The following RIMS2 variants were observed in gnomAD, a reference collection of about 807,000 sequenced individuals.
RIMS2 encodes regulating synaptic membrane exocytosis protein 2.
In RIMS2, 59 loss-of-function variants were observed where a neutral mutation model predicts 174.4. The ratio of observed to expected loss-of-function variants is 0.34; its 90% confidence interval spans 0.27 to 0.42. RIMS2 has a LOEUF of 0.42. Among genes scored for constraint, RIMS2 ranks in the 10% least tolerant of loss-of-function variants. The pLI, the probability that RIMS2 is intolerant of heterozygous loss-of-function variation, is 1.00. For synonymous variants in RIMS2, 606 were observed against 572.5 expected (o/e 1.06, Z -0.84); for missense variants, 1,620 against 1,666.3 (o/e 0.97, Z 0.48).
chr8:103,893,745 G>A (rs542098402), intron 4 of RIMS2, among the ~76,000 whole-genome samples: 11 of 151,852 alleles, frequency 7.2e-5, no homozygotes, highest in Admixed American at 5.9e-4. Context: ...ATTGCCTATC[G>A]GTTCTTTCAT....
intron 19 of RIMS2, among the ~76,000 whole-genome samples, chr8:104,051,527 T>A (rs1227476927): frequency 1.3e-5 from 2 of 151,968 alleles, no homozygotes; most frequent in African/African-American, 4.8e-5. Flanking sequence ...AAGGTTGGGT[T>A]CATAGGGAAA....
At chr8:103,898,182 A>C (rs2099301850) in intron 4 of RIMS2, among the ~76,000 whole-genome samples, 3 of 151,662 alleles carry the variant, frequency 2.0e-5, no homozygotes, top group Admixed American at 6.6e-5. Flanking sequence ...TAAAGAGTAT[A>C]TGACTAAACA....
rs146079675 is a variant in RIMS2 at position 104,031,066 on chromosome 8, G to A, written c.3334+16451G>A. Among the ~76,000 whole-genome samples, 278 of 152,166 alleles carry A rather than the reference G, an allele frequency of 1.8e-3. 2 individuals are homozygous for A. The highest frequency in any genetic ancestry group is 6.4e-3 in the African/African-American group (267 of 41,538). On this transcript the variant is annotated intron_variant, in intron 19 of 23. Coordinates refer to ENST00000504942, the Ensembl canonical transcript of RIMS2. Reference sequence around the variant, plus strand: ...TTGTAGATAATCTTAGATGAGCCAAGTAACTCATATTCAATGATACCAAGC... The same window carrying A: ...TTGTAGATAATCTTAGATGAGCCAAATAACTCATATTCAATGATACCAAGC...
At chr8:103,869,150 A>G (rs2099097902) in intron 3 of RIMS2, among the ~76,000 whole-genome samples, 1 of 151,866 alleles carries the variant, frequency 6.6e-6, no homozygotes, top group Non-Finnish European at 1.5e-5. Context: ...GGGAGCCTGA[A>G]GAGCTACTGT....
At chr8:103,700,766 G>T (rs1015996583) in intron 2 of RIMS2, among the ~76,000 whole-genome samples, 2 of 151,468 alleles carry the variant, frequency 1.3e-5, no homozygotes, top group East Asian at 3.9e-4. Flanking sequence ...TTTCTCCTTT[G>T]TTGGCTCAAT....
chr8:103,803,788 T>C (rs1027572929), intron 3 of RIMS2, among the ~76,000 whole-genome samples: 3 of 152,216 alleles, frequency 2.0e-5, no homozygotes, highest in African/African-American at 7.2e-5. Flanking sequence ...GTCAGGGATC[T>C]GTGTGGGGTC....
intron 1 of RIMS2, among the ~76,000 whole-genome samples, chr8:103,555,094 T>G (rs1849795275): frequency 2.0e-5 from 3 of 152,126 alleles, no homozygotes; most frequent in African/African-American, 7.2e-5. Context: ...TGCTTATTAC[T>G]TGGGTGATGA....
At chr8:103,826,792 C>T (rs1033913686) in intron 3 of RIMS2, among the ~76,000 whole-genome samples, 1 of 151,344 alleles carries the variant, frequency 6.6e-6, no homozygotes, top group African/African-American at 2.4e-5. Context: ...AGTGATCCTT[C>T]TTCCTCAGCC....
At chr8:103,934,588 T>G (rs2080789501) in intron 12 of RIMS2, among the ~76,000 whole-genome samples, 1 of 152,190 alleles carries the variant, frequency 6.6e-6, no homozygotes, top group Non-Finnish European at 1.5e-5. Flanking sequence ...CTATCCAATA[T>G]AGAAATCCTG....
intron 14 of RIMS2, among the ~76,000 whole-genome samples, chr8:103,957,556 T>C (rs1565523712): frequency 6.6e-6 from 1 of 152,040 alleles, no homozygotes; most frequent in Non-Finnish European, 1.5e-5. Flanking sequence ...GAGTTAAACA[T>C]TGAGAACACA....
intron 1 of RIMS2, among the ~76,000 whole-genome samples, chr8:103,552,775 A>G (rs1474195696): frequency 6.6e-6 from 1 of 152,246 alleles, no homozygotes; most frequent in Non-Finnish European, 1.5e-5. Flanking sequence ...CCCATCAAAA[A>G]GTGGGCAAAG....
intron 2 of RIMS2, among the ~76,000 whole-genome samples, chr8:103,762,822 G>C (rs1435065399): frequency 1.3e-5 from 2 of 152,136 alleles, no homozygotes; most frequent in Non-Finnish European, 2.9e-5. Context: ...GATATAGTCT[G>C]TTGCTCCTAG....
intron 2 of RIMS2, among the ~76,000 whole-genome samples, chr8:103,725,867 GTTGGGTTACTGGT>G (rs2097522396): frequency 6.6e-6 from 1 of 152,138 alleles, no homozygotes; most frequent in African/African-American, 2.4e-5. Context: ...CCAGCATTTG[GTTGGGTTACTGGT>G]TTGGCTTTTT....
At chr8:103,800,314 C>A (rs1411552814) in intron 3 of RIMS2, among the ~76,000 whole-genome samples, 1 of 151,872 alleles carries the variant, frequency 6.6e-6, no homozygotes, top group Non-Finnish European at 1.5e-5. Context: ...AAGTCGTAAG[C>A]CTTTTATTTC....
chr8:104,193,055 C>T (rs1204926141), intron 19 of RIMS2, among the ~76,000 whole-genome samples: 1 of 151,348 alleles, frequency 6.6e-6, no homozygotes, highest in African/African-American at 2.4e-5. Flanking sequence ...CCTCCCCTCT[C>T]TCTCTCTCTC....
intron 3 of RIMS2, among the ~76,000 whole-genome samples, chr8:103,861,756 G>A (rs201718642): frequency 1.3e-5 from 2 of 152,012 alleles, no homozygotes; most frequent in East Asian, 3.9e-4. Flanking sequence ...TTCCATGTTT[G>A]TTGGCTGCTT....
intron 1 of RIMS2, among the ~76,000 whole-genome samples, chr8:103,619,802 A>AT (rs146479056): frequency 0.051 from 7,700 of 152,128 alleles, 273 homozygotes; most frequent in Non-Finnish European, 0.075. Flanking sequence ...TTTAATCCGC[A>AT]TTTTGGCTAC....
At chr8:104,080,594 T>C (rs778700857) in intron 19 of RIMS2, among the ~76,000 whole-genome samples, 4 of 152,038 alleles carry the variant, frequency 2.6e-5, no homozygotes, top group Non-Finnish European at 4.4e-5. Flanking sequence ...TTGACACTTG[T>C]GTAAAAACCT....
intron 2 of RIMS2, among the ~76,000 whole-genome samples, chr8:103,752,310 A>G (rs1035419604): frequency 9.9e-5 from 15 of 152,014 alleles, no homozygotes; most frequent in East Asian, 3.9e-4. Flanking sequence ...ATTGATCTAT[A>G]TCTCTGTTTT....
Sources: allele counts gnomAD v4.1 joint callset (sites outside exome capture counted in the v4.1 genomes callset), GRCh38; gene constraint gnomAD v4.1.1; transcripts MANE v1.5; gene names NCBI Gene and HGNC (gene_info 2026-07-23, HGNC 2026-07-21).